Variants in KPNA4 observed in about 807,000 individuals in gnomAD.
KPNA4 encodes the protein importin subunit alpha-3.
A neutral mutation model predicts 71.3 loss-of-function variants in KPNA4; 13 were observed. The ratio of observed to expected loss-of-function variants is 0.18; its 90% CI spans 0.12 to 0.29. The LOEUF (loss-of-function observed/expected upper bound fraction) is 0.29, where lower values mean the gene tolerates loss of function less well. KPNA4 is among the 10% of genes least tolerant of loss of function. KPNA4 has a pLI of 1.00. For missense variants in KPNA4, 334 were observed against 603.2 expected (o/e 0.55, Z 4.67); for synonymous variants, 189 against 195.2 (o/e 0.97, Z 0.26).
chr3:160,505,384 G>A (rs721023), intron 15 of KPNA4, among the ~76,000 whole-genome samples: 87,562 of 151,898 alleles, frequency 0.58, 25,976 homozygotes, highest in African/African-American at 0.67. Context: ...AGTAAAAAGC[G>A]GAATCTTCCT....
intron 15 of KPNA4, among the ~76,000 whole-genome samples, chr3:160,506,240 C>T (rs1210616607): frequency 6.6e-6 from 1 of 151,800 alleles, no homozygotes; most frequent in African/African-American, 2.4e-5. Flanking sequence ...GTGATCTTGG[C>T]TCACTGCAGC....
intron 13 of KPNA4, among the ~76,000 whole-genome samples, chr3:160,513,210 T>C (rs532490469): frequency 1.1e-4 from 16 of 151,478 alleles, no homozygotes; most frequent in African/African-American, 3.4e-4. Context: ...AGATCAGTGT[T>C]CAGAACCCTC....
At chr3:160,503,269 C>T (rs760884831) in intron 16 of KPNA4, among the ~76,000 whole-genome samples, 10 of 151,938 alleles carry the variant, frequency 6.6e-5, no homozygotes, top group Non-Finnish European at 1.3e-4. Context: ...GGTATTTGGG[C>T]TTAAAATAGT....
In KPNA4 at chr3:160,499,782, T is replaced by C. The variant is rs1237414860; in HGVS notation, c.*2322A>G. On this transcript the variant is annotated 3_prime_UTR_variant, in exon 17 of 17. Transcript: ENST00000334256. Reference sequence around the variant, plus strand: ...ATATTTTTTACTAAAAAACACAAATTATGTAAAGCATTGCTGTGTTCACCT... The same window carrying C: ...ATATTTTTTACTAAAAAACACAAATCATGTAAAGCATTGCTGTGTTCACCT... 2 of 152,168 alleles carry C rather than the reference T, an allele frequency of 1.3e-5. No homozygotes were observed. The highest frequency in any genetic ancestry group is 2.9e-5 in the Non-Finnish European group (2 of 68,012). 9.4% of individuals were successfully genotyped at this position (152,168 alleles called of 1,614,324 possible).
In KPNA4 at chr3:160,541,617, G is replaced by T. The variant is rs550479854; in HGVS notation, c.70-4777C>A. ...TTAAAATTGGTGAATTTTATGAGAG[G>T]TAATAAAGCGGTTTTTAAAAGTTAT... On this transcript the variant is annotated intron_variant, in intron 1 of 16. Transcript: ENST00000334256. Among the ~76,000 whole-genome samples, 31 of 148,750 alleles carry T rather than the reference G, an allele frequency of 2.1e-4. 1 individual carries two copies. The South Asian group carries it at 6.5e-3, about 31-fold the overall frequency.
rs1029340570 is a variant in KPNA4 at position 160,495,662 on chromosome 3, G to A, written c.*6442C>T. The A allele has an allele frequency of 6.6e-6, 1 of 151,636 alleles. No homozygotes were observed. The highest frequency in any genetic ancestry group is 1.5e-5 in the Non-Finnish European group (1 of 67,970). 9.4% of individuals were successfully genotyped at this position (151,636 alleles called of 1,614,324 possible). A position where few individuals can be genotyped will look rare whatever the true frequency, so the allele number is the denominator to read the frequency against. On this transcript the variant is annotated 3_prime_UTR_variant, in exon 17 of 17. Coordinates refer to ENST00000334256, the MANE Select transcript of KPNA4 (RefSeq NM_002268.5). ...AATATAATACTGACATGGCAGAAGT[G>A]CGAGTTTTATCAGTGATACACATTG... is the stretch of plus-strand genomic sequence containing the variant.
At position 160,522,870 on chromosome 3, in the gene KPNA4, AGCT is replaced by A. The variant is rs573703579; in HGVS notation, c.772-963_772-961del. ...AAACAAAAAATACGTACTTCACTAC[AGCT>A]GCTACTTATGAAAAAAAAAAAAAAG... On this transcript the variant is annotated intron_variant, in intron 10 of 16. Transcript: ENST00000334256. 3.7e-3 allele frequency among the ~76,000 whole-genome samples: 520 copies of A among 142,204 alleles called. 4 individuals are homozygous for A. Among genetic ancestry groups the A allele is most frequent in the African/African-American group, 0.014 (506 of 37,332 alleles). The allele number at this position is 142,204 out of a possible 152,430, so 93.3% of individuals were successfully genotyped here.
intron 13 of KPNA4, among the ~76,000 whole-genome samples, chr3:160,510,913 G>A (rs1165863688): frequency 6.6e-6 from 1 of 151,118 alleles, no homozygotes; most frequent in Non-Finnish European, 1.5e-5. Context: ...TCAGCCTCCT[G>A]AGTAGCTGGG....
At chr3:160,536,898 G>A (rs1410365468) in intron 1 of KPNA4, 58 bp from the exon 2 acceptor site, 2 of 1,010,002 alleles carry the variant, frequency 2.0e-6, no homozygotes, top group South Asian at 1.4e-5. Context: ...ATTATCCAGA[G>A]AAAACCACTA....
intron 1 of KPNA4, among the ~76,000 whole-genome samples, chr3:160,545,894 G>A (rs56343019): frequency 0.073 from 11,072 of 152,136 alleles, 448 homozygotes; most frequent in Middle Eastern, 0.1. Flanking sequence ...ATGATTTTAC[G>A]GTTTTTGATC....
chr3:160,537,599 C>G (rs1355068529), intron 1 of KPNA4, among the ~76,000 whole-genome samples: 1 of 149,664 alleles, frequency 6.7e-6, no homozygotes, highest in Middle Eastern at 3.2e-3. Flanking sequence ...TTTCTAATGA[C>G]TGTGTATTAC....
chr3:160,520,253 T>G (rs115705334), intron 11 of KPNA4, among the ~76,000 whole-genome samples: 2,532 of 151,222 alleles, frequency 0.017, 58 homozygotes, highest in African/African-American at 0.046. Flanking sequence ...ATTATTGTTT[T>G]TTCTTTTTTT....
chr3:160,531,957 TA>T (rs1160135969), intron 5 of KPNA4, among the ~76,000 whole-genome samples: 2 of 152,158 alleles, frequency 1.3e-5, no homozygotes, highest in Non-Finnish European at 2.9e-5. Flanking sequence ...CACACCCAGC[TA>T]TTTTTGTATT....
At chr3:160,515,016 C>T (rs1021161232) in intron 12 of KPNA4, 1 of 519,186 alleles carries the variant, frequency 1.9e-6, no homozygotes, top group Non-Finnish European at 3.8e-6. Flanking sequence ...TTGTAATCAA[C>T]AACCCATGTT....
At position 160,565,271 on chromosome 3, in the gene KPNA4, G is replaced by C; in HGVS notation, c.12C>G (p.Asn4Lys). The change falls in exon 1 of 17, where the codon AAC becomes AAG. Residue 4 changes from asparagine to lysine, a missense_variant. By Grantham distance (94) the Asn-to-Lys change is moderately conservative. Transcript: ENST00000334256. ...TGAGCCGTTGGTTGTCCAGTTTCTC[G>C]TTGTCCGCCATGGCCGGGCCGGTGA... MAD[N>K]EKLDNQRLKN... 1 of 1,606,302 alleles carries C rather than the reference G, an allele frequency of 6.2e-7. No individual in the cohort carries two copies. The highest frequency in any genetic ancestry group is 8.5e-7 in the Non-Finnish European group (1 of 1,176,554).
At chr3:160,515,678 G>T in intron 11 of KPNA4, 98 bp from the exon 12 acceptor site, 1 of 1,336,672 alleles carries the variant, frequency 7.5e-7, no homozygotes, top group Non-Finnish European at 1.0e-6. Flanking sequence ...GCAGTGGTGC[G>T]ATCTCAGCTC....
At chr3:160,528,768 T>C (rs1721510813) in intron 7 of KPNA4, among the ~76,000 whole-genome samples, 1 of 152,204 alleles carries the variant, frequency 6.6e-6, no homozygotes, top group Admixed American at 6.5e-5. Flanking sequence ...AGAAAGTGAT[T>C]CTGTTACTCA....
chr3:160,545,530 G>C (rs978361482), intron 1 of KPNA4, among the ~76,000 whole-genome samples: 1 of 152,186 alleles, frequency 6.6e-6, no homozygotes, highest in Non-Finnish European at 1.5e-5. Flanking sequence ...TTTAAATAAA[G>C]ACCTTGAGAA....
intron 10 of KPNA4, among the ~76,000 whole-genome samples, chr3:160,522,400 T>C (rs1286179636): frequency 2.0e-5 from 3 of 152,212 alleles, no homozygotes; most frequent in Non-Finnish European, 1.5e-5. Flanking sequence ...ATTCATATTG[T>C]AGTATAAAAT....
Sources: gnomAD v4.1 joint callset for allele counts (sites outside exome capture counted in the v4.1 genomes callset) on GRCh38, gnomAD v4.1.1 for gene constraint, MANE v1.5 for transcripts, NCBI Gene and HGNC (gene_info 2026-07-23, HGNC 2026-07-21) for gene names.